The following RWDD1 variants were observed in gnomAD, a reference collection of about 807,000 sequenced individuals.
RWDD1 encodes RWD domain-containing protein 1.
RWDD1 carries 17 observed loss-of-function variants against 31.6 expected under a neutral mutation model. That is an observed-to-expected ratio of 0.54 (90% CI 0.37 to 0.81). The LOEUF (loss-of-function observed/expected upper bound fraction) is 0.81, where lower values mean the gene tolerates loss of function less well. Among genes scored for constraint, RWDD1 ranks in the 30% least tolerant of loss-of-function variants. RWDD1 has a pLI of 0.00. For missense variants in RWDD1, 204 were observed against 274.5 expected (o/e 0.74, Z 1.82); for synonymous variants, 78 against 94.2 (o/e 0.83, Z 0.99).
At chr6:116,589,707 T>C (rs777894581) in intron 4 of RWDD1, among the ~76,000 whole-genome samples, 4 of 152,150 alleles carry the variant, frequency 2.6e-5, no homozygotes, top group Non-Finnish European at 5.9e-5. Flanking sequence ...TCCACATAGC[T>C]GGGAAGGCCT....
chr6:116,575,535 C>G (rs914231943), intron 1 of RWDD1, among the ~76,000 whole-genome samples: 1 of 152,106 alleles, frequency 6.6e-6, no homozygotes, highest in Non-Finnish European at 1.5e-5. Context: ...TTTTGTGAAT[C>G]CAATTAAGTA....
rs369171229 is a variant in RWDD1, at chr6:116,584,827, C to T, written c.240C>T (p.Val80=). ...AGGAAAATCTAGAAGATAATGATGT[C>T]TCAGACATTTTAAAATTACTAGCAT... ...FSQENLEDND[V]SDILKLLALQ... is the part of the protein sequence containing the mutation. The change falls in exon 3 of 7, where the codon GTC becomes GTT. Residue 80 remains valine (V), a synonymous_variant. Transcript: ENST00000466444. The T allele has an allele frequency of 1.9e-5, 31 of 1,593,614 alleles. No homozygotes were observed. The highest frequency in any genetic ancestry group is 2.3e-5 in the Non-Finnish European group (27 of 1,161,816).
At chr6:116,576,437 C>A (rs1336604738) in intron 1 of RWDD1, among the ~76,000 whole-genome samples, 1 of 152,148 alleles carries the variant, frequency 6.6e-6, no homozygotes, top group Non-Finnish European at 1.5e-5. Context: ...TTCCCATAAC[C>A]TTTGTACCCT....
chr6:116,571,806 CACT>C, intron 1 of RWDD1, 151 bp downstream of exon 1: 1 of 572,578 alleles, frequency 1.7e-6, no homozygotes, highest in Non-Finnish European at 3.0e-6. Context: ...GTTCTTCAGT[CACT>C]TACCAGCAAC....
rs1242850323 is a variant in RWDD1 at position 116,593,443 on chromosome 6, G to A, written c.*342G>A. On this transcript the variant is annotated 3_prime_UTR_variant, in exon 7 of 7. Coordinates refer to ENST00000466444, the MANE Select transcript of RWDD1 (RefSeq NM_015952.4). Reference sequence around the variant, plus strand: ...TTGGAATTTCTATGCTGGAGACTTTGGCTACTTCTGGATTTCAAGCATTGT... The same window carrying A: ...TTGGAATTTCTATGCTGGAGACTTTAGCTACTTCTGGATTTCAAGCATTGT... 1 of 162,036 alleles carries A rather than the reference G, an allele frequency of 6.2e-6. No homozygotes were observed. The highest frequency in any genetic ancestry group is 2.4e-5 in the African/African-American group (1 of 41,706). 10.0% of individuals were successfully genotyped at this position (162,036 alleles called of 1,614,324 possible).
At chr6:116,592,254 T>C (rs1998166) in intron 6 of RWDD1, among the ~76,000 whole-genome samples, 16,599 of 152,232 alleles carry the variant, frequency 0.11, 1,052 homozygotes, top group Admixed American at 0.18. Flanking sequence ...CAAGGTCTTA[T>C]ATTTTCTCTC....
intron 2 of RWDD1, among the ~76,000 whole-genome samples, chr6:116,583,604 C>T (rs1774985942): frequency 6.6e-6 from 1 of 151,990 alleles, no homozygotes; most frequent in Non-Finnish European, 1.5e-5. Flanking sequence ...ATAATCATTT[C>T]ACAATATATA....
chr6:116,589,507 A>G (rs902567809), intron 4 of RWDD1, among the ~76,000 whole-genome samples: 2 of 152,164 alleles, frequency 1.3e-5, no homozygotes, highest in African/African-American at 4.8e-5. Flanking sequence ...TACTACAGTG[A>G]ATTAAATAGT....
At chr6:116,575,799 G>T (rs75439482) in intron 1 of RWDD1, among the ~76,000 whole-genome samples, 9 of 152,072 alleles carry the variant, frequency 5.9e-5, no homozygotes, top group African/African-American at 2.2e-4. Flanking sequence ...TCTTACACTC[G>T]TGGCCAAGAT....
At position 116,590,364 on chromosome 6, in the gene RWDD1, G is replaced by A. The variant is rs1775120047; in HGVS notation, c.507G>A (p.Arg169=). The part of the protein sequence containing the change: ...DAELLEIKKK[R]MKEEEQAGKN... ...AACTCTTGGAAATTAAAAAGAAAAG[G>A]ATGAAAGAAGAAGAACAAGCAGGAA... Residue 169 remains arginine, a synonymous_variant, in exon 5 of 7, where the codon AGG becomes AGA. Transcript: ENST00000466444. The A allele has an allele frequency of 1.9e-6, 3 of 1,594,886 alleles. No homozygotes were observed. The highest frequency in any genetic ancestry group is 2.3e-5 in the East Asian group (1 of 44,300).
intron 1 of RWDD1, among the ~76,000 whole-genome samples, chr6:116,573,490 G>A (rs1029507366): frequency 6.6e-6 from 1 of 152,132 alleles, no homozygotes; most frequent in Admixed American, 6.5e-5. Context: ...AAAATGAGGT[G>A]TCTTTATTTA....
intron 3 of RWDD1, among the ~76,000 whole-genome samples, chr6:116,585,237 T>C (rs925433265): frequency 1.3e-5 from 2 of 150,546 alleles, no homozygotes; most frequent in Non-Finnish European, 3.0e-5. Context: ...TCTCTGACTT[T>C]TACATGCTAG....
intron 1 of RWDD1, among the ~76,000 whole-genome samples, chr6:116,575,006 G>T (rs2115322642): frequency 6.6e-6 from 1 of 152,012 alleles, no homozygotes; most frequent in East Asian, 1.9e-4. Context: ...TTGGCCTCAA[G>T]CGAGTCTCCT....
rs914960209 is a variant in RWDD1 at position 116,595,264 on chromosome 6, G to A, written c.*2163G>A. 2.6e-5 allele frequency: 4 copies of A among 152,172 alleles called. No homozygotes were observed. Among genetic ancestry groups the A allele is most frequent in the Non-Finnish European group, 5.9e-5 (4 of 68,028 alleles). 9.4% of individuals were successfully genotyped at this position (152,172 alleles called of 1,614,324 possible). A position where few individuals can be genotyped will look rare whatever the true frequency, so the allele number is the denominator to read the frequency against. On this transcript the variant is annotated 3_prime_UTR_variant, in exon 7 of 7. Transcript: ENST00000466444. ...AGAATAAATTTTATATATTTCTCCA[G>A]GTATTAAAGTGGATGTCCACCTTTG...
intron 2 of RWDD1, 35 bp downstream of exon 2, chr6:116,580,395 A>T: frequency 6.7e-7 from 1 of 1,497,722 alleles, no homozygotes. Flanking sequence ...GGTTTTTCTA[A>T]ATTTCTCAGG....
intron 1 of RWDD1, among the ~76,000 whole-genome samples, chr6:116,574,419 A>G (rs1774797751): frequency 6.6e-6 from 1 of 152,198 alleles, no homozygotes; most frequent in Non-Finnish European, 1.5e-5. Flanking sequence ...AGTTTGTTCT[A>G]AGTCATACTT....
At position 116,580,309 on chromosome 6, in the gene RWDD1, C is replaced by G. The variant is rs367982657; in HGVS notation, c.88C>G (p.Pro30Ala). The change falls in exon 2 of 7, where the codon CCA (proline) becomes GCA (alanine). Residue 30 changes from proline (P) to alanine (A), a missense_variant. By Grantham distance (27) the Pro-to-Ala change is conservative (BLOSUM62 -1). Coordinates refer to ENST00000466444, the MANE Select transcript of RWDD1 (RefSeq NM_015952.4). ...PDSFTVLSENPPSFTITVTSE... is the reference protein window; with the variant it reads ...PDSFTVLSENAPSFTITVTSE... Reference sequence around the variant, plus strand: ...TTTTCTTGCAGTATTATCAGAAAATCCACCCAGCTTCACCATTACTGTGAC... The same window carrying G: ...TTTTCTTGCAGTATTATCAGAAAATGCACCCAGCTTCACCATTACTGTGAC... 4 of 1,598,766 alleles carry G rather than the reference C, an allele frequency of 2.5e-6. No homozygotes were observed. The African/African-American group carries it at 4.0e-5, about 16-fold the overall frequency.
rs957566512 is a variant in RWDD1, at chr6:116,594,418, A to G, written c.*1317A>G. ...AGGTATGCATTCCTAGGCCCCTCTC[A>G]AGTTAGATTTATGAACACTGATCCC... On this transcript the variant is annotated 3_prime_UTR_variant, in exon 7 of 7. Transcript: ENST00000466444. The G allele has an allele frequency of 6.6e-6, 1 of 152,138 alleles. No individual in the cohort carries two copies. Among genetic ancestry groups the G allele is most frequent in the African/African-American group, 2.4e-5 (1 of 41,438 alleles). 9.4% of individuals were successfully genotyped at this position (152,138 alleles called of 1,614,324 possible). A position where few individuals can be genotyped will look rare whatever the true frequency, so the allele number is the denominator to read the frequency against.
intron 1 of RWDD1, chr6:116,580,075 C>T: frequency 3.0e-6 from 1 of 328,430 alleles, no homozygotes; most frequent in Non-Finnish European, 5.5e-6. Context: ...AGAGGGTTAT[C>T]TACCATAGTT....
Sources: gnomAD v4.1 joint callset for allele counts (sites outside exome capture counted in the v4.1 genomes callset) on GRCh38, gnomAD v4.1.1 for gene constraint, MANE v1.5 for transcripts, NCBI Gene and HGNC (gene_info 2026-07-23, HGNC 2026-07-21) for gene names.